Variants in CDAN1 observed in about 807,000 individuals in gnomAD.
CDAN1 encodes codanin 1, also known as codanin-1.
Under a neutral mutation model 139.8 loss-of-function variants are expected in CDAN1, and 107 were observed. The ratio of observed to expected loss-of-function variants is 0.77; its 90% confidence interval spans 0.65 to 0.90. The LOEUF is 0.90. Among genes scored for constraint, CDAN1 ranks in the 40% least tolerant of loss-of-function variants. The probability of loss-of-function intolerance (pLI) is 0.00; values close to 1 mark genes in which losing one functional copy is unlikely to be tolerated. For missense variants in CDAN1, 1,667 were observed against 1,575.7 expected (o/e 1.06, Z -0.98); for synonymous variants, 776 against 660.6 (o/e 1.17, Z -2.68).
Position 42,731,631 on chromosome 15 carries a change from A to G in CDAN1, c.1728T>C (p.Leu576=), listed in dbSNP as rs774306802. The change falls in exon 11 of 28, where the codon CTT becomes CTC. Residue 576 remains leucine (L), a synonymous_variant. Transcript: ENST00000356231. Reference sequence around the variant, plus strand: ...ACAGGGGAGCCTACCTGCTGGCACTAAGGATGAAGTCCCTAAAGAAGCCTT... The same window carrying G: ...ACAGGGGAGCCTACCTGCTGGCACTGAGGATGAAGTCCCTAAAGAAGCCTT... The part of the protein sequence containing the change: ...GCQGFFRDFI[L]SASSFQFNQH... 1.4e-5 allele frequency: 22 copies of G among 1,613,956 alleles called. No homozygotes were observed. The highest frequency in any genetic ancestry group is 1.9e-5 in the Non-Finnish European group (22 of 1,179,980).
chr15:42,729,354 G>A lies in CDAN1; in HGVS notation c.2416C>T (p.Arg806Trp). 2 of 1,614,140 alleles carry A rather than the reference G, an allele frequency of 1.2e-6. No individual in the cohort carries two copies. Among genetic ancestry groups the A allele is most frequent in the Non-Finnish European group, 1.7e-6 (2 of 1,180,022 alleles). The change falls in exon 18 of 28, where the codon CGG (arginine) becomes TGG (tryptophan). Residue 806 changes from arginine (R) to tryptophan (W), a missense_variant. Physicochemically the swap from Arg to Trp is moderately radical, Grantham distance 101. Transcript: ENST00000356231. ...YTCCPYIGEL[R>W]KLLASWVSGS... Reference sequence around the variant, plus strand: ...GACACCCACGAAGCGAGCAGTTTCCGGAGCTCTCCTGTATCAGTGAAGTCC... The same window carrying A: ...GACACCCACGAAGCGAGCAGTTTCCAGAGCTCTCCTGTATCAGTGAAGTCC...
At chr15:42,734,425 G>T in intron 6 of CDAN1, 79 bp from the exon 7 acceptor site, 3 of 1,573,410 alleles carry the variant, frequency 1.9e-6, no homozygotes, top group Non-Finnish European at 2.6e-6. Context: ...CACCACAGAG[G>T]ATCTCTAAGG....
chr15:42,725,315 T>G (rs766129179), intron 26 of CDAN1, 64 bp from the exon 27 acceptor site: 144 of 1,537,332 alleles, frequency 9.4e-5, no homozygotes, highest in Non-Finnish European at 1.2e-4. Context: ...TGACAGAGAT[T>G]GAGATCTCAA....
chr15:42,729,397 AC>A, intron 17 of CDAN1, 35 bp from the exon 18 acceptor site: 6 of 1,613,346 alleles, frequency 3.7e-6, no homozygotes, highest in Non-Finnish European at 4.2e-6. Context: ...CAGTTCCAGA[AC>A]CCTCTCCCCT....
At position 42,727,608 on chromosome 15, in the gene CDAN1, G is replaced by C. The variant is rs369437654; in HGVS notation, c.3096+13C>G. 3.2e-6 allele frequency: 5 copies of C among 1,549,126 alleles called. No homozygotes were observed. Among genetic ancestry groups the C allele is most frequent in the South Asian group, 1.2e-5 (1 of 83,672 alleles). On this transcript the variant is annotated intron_variant, in intron 23 of 27. Coordinates refer to ENST00000356231, the MANE Select transcript of CDAN1 (RefSeq NM_138477.4). ...GGAGCAGGGAAGCCAAAGGGAGTAG[G>C]GTAGCCGTGTACTTTTATCTCGGAG... is the stretch of plus-strand genomic sequence containing the variant.
intron 8 of CDAN1, 91 bp from the exon 9 acceptor site, chr15:42,733,277 C>T: frequency 9.5e-7 from 1 of 1,053,382 alleles, no homozygotes; most frequent in Non-Finnish European, 1.5e-6. Flanking sequence ...CCACCCACCA[C>T]CTTTTTTTTT....
chr15:42,734,981 G>A (rs2061668423), intron 6 of CDAN1, 119 bp downstream of exon 6: 3 of 740,164 alleles, frequency 4.1e-6, no homozygotes, highest in East Asian at 2.7e-5. Flanking sequence ...AAAGATTATA[G>A]GTAGGAGAAG....
In CDAN1 at chr15:42,728,243, C is replaced by T. The variant is rs754334399; in HGVS notation, c.2829G>A (p.Gly943=). Residue 943 remains glycine (G), a synonymous_variant, in exon 21 of 28, where the codon GGG becomes GGA. Coordinates refer to ENST00000356231, the MANE Select transcript of CDAN1 (RefSeq NM_138477.4). ...CCTCTGGAAGCAGCGCCCGCACAGC[C>T]CCAGGGCTCTTCCTTTGACAGAACC... The part of the protein sequence containing the change: ...GREFCQRKSP[G]AVRALLPEET... 2 of 1,613,878 alleles carry T rather than the reference C, an allele frequency of 1.2e-6. No homozygotes were observed. Among genetic ancestry groups the T allele is most frequent in the African/African-American group, 2.7e-5 (2 of 74,924 alleles).
At position 42,726,413 on chromosome 15, in the gene CDAN1, A is replaced by AC; in HGVS notation, c.3100dup (p.Val1034GlyfsTer12). 1 of 1,590,340 alleles carries AC rather than the reference A, an allele frequency of 6.3e-7. No individual in the cohort carries two copies. Among genetic ancestry groups the AC allele is most frequent in the Non-Finnish European group, 8.6e-7 (1 of 1,168,264 alleles). ...CCGTGGCCCCACGGCCAAGGAGAGC[A>AC]CGTCCTGTGAAGAGCAGGGGGAGAT... On this transcript the variant is annotated frameshift_variant, in exon 24 of 28. Coordinates refer to ENST00000356231, the MANE Select transcript of CDAN1 (RefSeq NM_138477.4). LOFTEE classifies it high-confidence loss of function.
chr15:42,728,002 C>T lies in CDAN1; in HGVS notation c.2900G>A (p.Gly967Glu), dbSNP rs753780270. 6.2e-7 allele frequency: 1 copy of T among 1,614,142 alleles called. No homozygotes were observed. The part of the protein sequence containing the change: ...VLSSAENIAV[G>E]LATEKACAWL... ...AGCACAGGCTTTCTCTGTTGCAAGCCCCACAGCAATGTTCTCTGCACTGCT... is the reference window on the plus strand; with the variant it reads ...AGCACAGGCTTTCTCTGTTGCAAGCTCCACAGCAATGTTCTCTGCACTGCT... The change falls in exon 22 of 28, where the codon GGG becomes GAG. Residue 967 changes from glycine to glutamate, a missense_variant. Gly to Glu is a moderately conservative substitution (Grantham distance 98). This residue lies in a region of CDAN1 where 936 missense variants were observed against 844.1 expected (regional missense o/e 1.11). Coordinates refer to ENST00000356231, the MANE Select transcript of CDAN1 (RefSeq NM_138477.4).
intron 26 of CDAN1, 50 bp downstream of exon 26, chr15:42,725,439 T>G: frequency 6.2e-7 from 1 of 1,607,684 alleles, no homozygotes; most frequent in Non-Finnish European, 8.5e-7. Flanking sequence ...GCAAGGGTGG[T>G]GGATGTTCAG....
At chr15:42,735,443 C>T in intron 4 of CDAN1, 67 bp downstream of exon 4, 1 of 1,601,742 alleles carries the variant, frequency 6.2e-7, no homozygotes, top group Non-Finnish European at 8.5e-7. Flanking sequence ...TTCCAAGTGC[C>T]TTACCAATTC....
rs370144474 is a variant in CDAN1, at chr15:42,729,558, C to T, written c.2407+10G>A. On this transcript the variant is annotated intron_variant, in intron 17 of 27. Coordinates refer to ENST00000356231, the MANE Select transcript of CDAN1 (RefSeq NM_138477.4). Reference sequence around the variant, plus strand: ...AGACCAAGGACCGTCCAGGGAAGACCGGTGCTCACCGATGTAGGGGCAGCA... The same window carrying T: ...AGACCAAGGACCGTCCAGGGAAGACTGGTGCTCACCGATGTAGGGGCAGCA... The T allele has an allele frequency of 1.1e-4, 180 of 1,614,106 alleles. No homozygotes were observed. Among genetic ancestry groups the T allele is most frequent in the South Asian group, 4.0e-4 (36 of 91,074 alleles).
At position 42,733,103 on chromosome 15, in the gene CDAN1, C is replaced by G. The variant is rs2061637895; in HGVS notation, c.1451G>C (p.Arg484Thr). The change falls in exon 9 of 28, where the codon AGA becomes ACA. Residue 484 changes from arginine to threonine, a missense_variant. By Grantham distance (71) the Arg-to-Thr change is moderately conservative (BLOSUM62 -1). Transcript: ENST00000356231. ...ACAAGGTCTGAGCACCCACCTGATT[C>G]TGCTGCCCAAGCCCTTCTCAAAATC... Reference protein sequence around the residue: ...GWDFEKGLGSRIRAMMGQLSA... With the variant: ...GWDFEKGLGSTIRAMMGQLSA... 1 of 1,614,010 alleles carries G rather than the reference C, an allele frequency of 6.2e-7. No individual in the cohort carries two copies.
At chr15:42,730,320 C>T in intron 14 of CDAN1, 105 bp from the exon 15 acceptor site, 1 of 1,125,400 alleles carries the variant, frequency 8.9e-7, no homozygotes, top group Non-Finnish European at 1.4e-6. Context: ...CTAAAAGGGA[C>T]TGGGGCCATG....
At chr15:42,733,353 C>G (rs564615749) in intron 8 of CDAN1, among the ~76,000 whole-genome samples, 167 bp from the exon 9 acceptor site, 1 of 152,006 alleles carries the variant, frequency 6.6e-6, no homozygotes, top group African/African-American at 2.4e-5. Context: ...CAGCTCACTG[C>G]AACCTCCGCC....
intron 27 of CDAN1, 86 bp downstream of exon 27, chr15:42,725,058 T>C (rs2061504408): frequency 1.8e-6 from 2 of 1,103,650 alleles, no homozygotes; most frequent in East Asian, 2.5e-5. Flanking sequence ...TCCACTTAGT[T>C]TGGCCCCATC....
Position 42,728,233 on chromosome 15 carries a change from C to G in CDAN1, c.2839G>C (p.Ala947Pro), listed in dbSNP as rs759300971. 1.2e-6 allele frequency: 2 copies of G among 1,613,842 alleles called. No homozygotes were observed. Among genetic ancestry groups the G allele is most frequent in the African/African-American group, 2.7e-5 (2 of 74,934 alleles). ...GCCGGGGTCTCCTCTGGAAGCAGCG[C>G]CCGCACAGCCCCAGGGCTCTTCCTT... Reference protein sequence around the residue: ...CQRKSPGAVRALLPEETPAAV... With the variant: ...CQRKSPGAVRPLLPEETPAAV... The change falls in exon 21 of 28, where the codon GCG (alanine) becomes CCG (proline). Residue 947 changes from alanine (A) to proline (P), a missense_variant. Transcript: ENST00000356231.
Position 42,736,789 on chromosome 15 carries a change from G to T in CDAN1, c.91-9C>A. ...GCCTCCCCAGCGTTATCCTAGGGCAGAAGCACAGGTGGAGGGGCGAGAGGG... is the reference window on the plus strand; with the variant it reads ...GCCTCCCCAGCGTTATCCTAGGGCATAAGCACAGGTGGAGGGGCGAGAGGG... On this transcript the variant is annotated splice_polypyrimidine_tract_variant and intron_variant, in intron 1 of 27. Coordinates refer to ENST00000356231, the MANE Select transcript of CDAN1 (RefSeq NM_138477.4). 6.5e-7 allele frequency: 1 copy of T among 1,526,720 alleles called. No homozygotes were observed. The allele number at this position is 1,526,720 out of a possible 1,614,324, so 94.6% of individuals were successfully genotyped here. A position where few individuals can be genotyped will look rare whatever the true frequency, so the allele number is the denominator to read the frequency against.
Sources: allele counts gnomAD v4.1 joint callset (sites outside exome capture counted in the v4.1 genomes callset), GRCh38; gene constraint gnomAD v4.1.1; regional missense constraint gnomAD v4.1.1; transcripts MANE v1.5; gene names NCBI Gene and HGNC (gene_info 2026-07-23, HGNC 2026-07-21).